SYK: variants seen among roughly 807,000 people sequenced by gnomAD.
The protein encoded by SYK is spleen associated tyrosine kinase.
In SYK, 16 loss-of-function variants were observed where a neutral mutation model predicts 77.8. The observed-to-expected ratio is 0.21, with a 90% confidence interval of 0.14 to 0.31. The LOEUF (loss-of-function observed/expected upper bound fraction) is 0.31. Ranked by LOEUF, SYK falls within the 10% of genes least tolerant of loss-of-function variation. SYK has a pLI of 1.00. For missense variants in SYK, 529 were observed against 814.4 expected (o/e 0.65, Z 4.26); for synonymous variants, 312 against 308.7 (o/e 1.01, Z -0.11).
At chr9:90,853,445 A>C (rs1242837946) in intron 3 of SYK, among the ~76,000 whole-genome samples, 1 of 151,948 alleles carries the variant, frequency 6.6e-6, no homozygotes, top group East Asian at 1.9e-4. Flanking sequence ...GGCACTATTC[A>C]CAATAGCAAA....
chr9:90,844,225 G>T lies in SYK; in HGVS notation c.327G>T (p.Arg109=). 1 of 1,614,182 alleles carries T rather than the reference G, an allele frequency of 6.2e-7. No homozygotes were observed. Among genetic ancestry groups the T allele is most frequent in the African/African-American group, 1.3e-5 (1 of 75,070 alleles). The part of the protein sequence containing the change: ...LVCLLKKPFN[R]PQGVQPKTGP... ...GCCTCCTCAAGAAGCCCTTCAACCG[G>T]CCCCAAGGGGTGCAGCCCAAGACTG... The change falls in exon 2 of 14, where the codon CGG becomes CGT. Residue 109 remains arginine, a synonymous_variant. Transcript: ENST00000375754.
intron 1 of SYK, among the ~76,000 whole-genome samples, chr9:90,834,465 C>T (rs765357723): frequency 1.3e-5 from 2 of 152,186 alleles, no homozygotes; most frequent in Non-Finnish European, 2.9e-5. Context: ...TGGGCCGGGT[C>T]GCCAGCGTTC....
At chr9:90,893,365 G>A (rs1291968985) in intron 13 of SYK, among the ~76,000 whole-genome samples, 1 of 152,232 alleles carries the variant, frequency 6.6e-6, no homozygotes, top group East Asian at 1.9e-4. Context: ...GACTACAGGT[G>A]GTCCTAGTAT....
chr9:90,870,991 TTCC>T (rs1354252460), intron 7 of SYK, among the ~76,000 whole-genome samples: 1 of 152,250 alleles, frequency 6.6e-6, no homozygotes, highest in African/African-American at 2.4e-5. Context: ...CAATAATTTT[TTCC>T]TCTTTTGTTC....
chr9:90,814,847 CACACACACACACACACACAA>C (rs942685724), intron 1 of SYK, among the ~76,000 whole-genome samples: 2 of 61,606 alleles, frequency 3.2e-5, no homozygotes, highest in East Asian at 3.6e-3. Context: ...CACACACACA[CACACACACACACACACACAA>C]AATAATGTTA....
intron 7 of SYK, among the ~76,000 whole-genome samples, chr9:90,869,332 G>A (rs1003122451): frequency 2.6e-5 from 4 of 152,020 alleles, no homozygotes; most frequent in Admixed American, 2.6e-4. Context: ...AGTATACATT[G>A]AATTTTTTAT....
intron 1 of SYK, among the ~76,000 whole-genome samples, chr9:90,825,272 A>G (rs1825634458): frequency 6.6e-6 from 1 of 152,228 alleles, no homozygotes; most frequent in Admixed American, 6.5e-5. Flanking sequence ...GGAAGACTCA[A>G]TGTTGTTAAA....
Position 90,805,938 on chromosome 9 carries a change from G to A in SYK, c.-42+4045G>A, listed in dbSNP as rs182563216. On this transcript the variant is annotated intron_variant, in intron 1 of 13. Coordinates refer to ENST00000375754, the MANE Select transcript of SYK (RefSeq NM_003177.7). ...GTGTTTGTTGACACTGAGAATTCAG[G>A]ACTTTGGAGTTTTAGACCACCATCA... Among the ~76,000 whole-genome samples the A allele has an allele frequency of 1.7e-3, 259 of 152,282 alleles. 1 individual carries two copies. Among genetic ancestry groups the A allele is most frequent in the African/African-American group, 6.0e-3 (248 of 41,550 alleles).
intron 3 of SYK, among the ~76,000 whole-genome samples, chr9:90,855,677 TGTGTGTGTGTGG>T (rs1827003618): frequency 6.6e-6 from 1 of 151,654 alleles, no homozygotes; most frequent in Non-Finnish European, 1.5e-5. Flanking sequence ...TGTGTGTGTG[TGTGTGTGTGTGG>T]GTGTGTGTGA....
chr9:90,879,000 G>A lies in SYK; in HGVS notation c.1581+47G>A, dbSNP rs2306039. The A allele has an allele frequency of 0.15, 211,985 of 1,393,032 alleles. 18,278 individuals carry two copies. Among genetic ancestry groups the A allele is most frequent in the Admixed American group, 0.35 (17,910 of 50,584 alleles). 86.3% of individuals were successfully genotyped at this position (1,393,032 alleles called of 1,614,324 possible). ...TTCAGAGCAGCAGGTGGTAAAAAAT[G>A]CAAGATAAATGTACGTTTTCTTTAT... is the stretch of plus-strand genomic sequence containing the variant. On this transcript the variant is annotated intron_variant, in intron 11 of 13. Coordinates refer to ENST00000375754, the MANE Select transcript of SYK (RefSeq NM_003177.7).
At chr9:90,820,597 C>T (rs1825477188) in intron 1 of SYK, among the ~76,000 whole-genome samples, 1 of 152,182 alleles carries the variant, frequency 6.6e-6, no homozygotes, top group East Asian at 1.9e-4. Context: ...GGCACCAAGT[C>T]CCTAGGCTGC....
At chr9:90,811,519 C>T (rs1825070255) in intron 1 of SYK, among the ~76,000 whole-genome samples, 1 of 152,094 alleles carries the variant, frequency 6.6e-6, no homozygotes. Flanking sequence ...GAATCCTATG[C>T]AGTCTTCTAA....
intron 1 of SYK, among the ~76,000 whole-genome samples, chr9:90,815,343 G>A (rs2118349331): frequency 6.6e-6 from 1 of 152,380 alleles, no homozygotes; most frequent in African/African-American, 2.4e-5. Context: ...AGGCACCCCA[G>A]TGAGCAGAGG....
At chr9:90,856,284 T>C (rs1021862448) in intron 3 of SYK, among the ~76,000 whole-genome samples, 1 of 152,264 alleles carries the variant, frequency 6.6e-6, no homozygotes, top group Non-Finnish European at 1.5e-5. Context: ...CTGTGGTTCC[T>C]ACATCCATGA....
chr9:90,874,861 T>C lies in SYK; in HGVS notation c.1181+12T>C. 6.2e-7 allele frequency: 1 copy of C among 1,613,726 alleles called. No individual in the cohort carries two copies. The highest frequency in any genetic ancestry group is 8.5e-7 in the Non-Finnish European group (1 of 1,179,710). ...TACCAAATGAAAAAGTAAGTTGCTA[T>C]GTTCCACCAGCCTCACCCTCACATG... is the stretch of plus-strand genomic sequence containing the variant. On this transcript the variant is annotated intron_variant, in intron 9 of 13. Transcript: ENST00000375754.
In SYK at chr9:90,815,970, G is replaced by A. The variant is rs187095426; in HGVS notation, c.-42+14077G>A. On this transcript the variant is annotated intron_variant, in intron 1 of 13. Coordinates refer to ENST00000375754, the MANE Select transcript of SYK (RefSeq NM_003177.7). ...GCTTTACAAGGGAGAGATTCTGAGT[G>A]TTAGGGCTGGGAAAAGAGCACTCTG... 9.2e-5 allele frequency among the ~76,000 whole-genome samples: 14 copies of A among 152,364 alleles called. No individual in the cohort carries two copies. In the East Asian group the frequency reaches 2.3e-3, roughly 25 times the overall value.
At chr9:90,863,447 C>T (rs1288521938) in intron 4 of SYK, among the ~76,000 whole-genome samples, 2 of 152,126 alleles carry the variant, frequency 1.3e-5, no homozygotes, top group African/African-American at 4.8e-5. Flanking sequence ...GCCTTAGCCC[C>T]TTTAAAGCAC....
chr9:90,841,324 G>A (rs1248422223), intron 1 of SYK, among the ~76,000 whole-genome samples: 2 of 150,336 alleles, frequency 1.3e-5, no homozygotes, highest in Admixed American at 6.6e-5. Flanking sequence ...TGCACGTAGT[G>A]TGTTGTGTGT....
intron 1 of SYK, among the ~76,000 whole-genome samples, chr9:90,831,974 C>T (rs1748801102): frequency 6.6e-6 from 1 of 152,190 alleles, no homozygotes; most frequent in Non-Finnish European, 1.5e-5. Flanking sequence ...AGGGAAGCTA[C>T]TTTCAGGCAT....
Sources: allele counts gnomAD v4.1 joint callset (sites outside exome capture counted in the v4.1 genomes callset), GRCh38; gene constraint gnomAD v4.1.1; transcripts MANE v1.5; gene names NCBI Gene and HGNC (gene_info 2026-07-23, HGNC 2026-07-21).